DCC: variants seen among roughly 807,000 people sequenced by gnomAD.
DCC encodes the protein DCC netrin 1 receptor.
In DCC, 58 loss-of-function variants were observed where a neutral mutation model predicts 172.5. The observed-to-expected ratio is 0.34, with a 90% CI of 0.27 to 0.42. The LOEUF (loss-of-function observed/expected upper bound fraction) is 0.42, where lower values mean the gene tolerates loss of function less well. Among genes scored for constraint, DCC ranks in the 10% least tolerant of loss-of-function variants. The pLI, the probability that DCC is intolerant of heterozygous loss-of-function variation, is 1.00. For synonymous variants in DCC, 709 were observed against 644.5 expected, an observed-to-expected ratio of 1.10 and a Z score of -1.52; for missense variants, 1,740 against 1,791.0, an observed-to-expected ratio of 0.97 and a Z score of 0.51.
intron 2 of DCC, among the ~76,000 whole-genome samples, chr18:52,824,717 T>C (rs1277358459): frequency 6.6e-6 from 1 of 152,104 alleles, no homozygotes; most frequent in Non-Finnish European, 1.5e-5. Context: ...ACTCCTGTAA[T>C]CCCAGCACTT....
chr18:53,425,150 T>TG (rs1910836767), intron 21 of DCC, among the ~76,000 whole-genome samples: 2 of 151,858 alleles, frequency 1.3e-5, no homozygotes, highest in South Asian at 4.2e-4. Flanking sequence ...TTTTCTGAAG[T>TG]GGCAACTTCA....
chr18:53,450,730 T>A, intron 23 of DCC, 68 bp downstream of exon 23: 1 of 1,265,658 alleles, frequency 7.9e-7, no homozygotes, highest in South Asian at 1.2e-5. Context: ...TTGATGGTCC[T>A]CTTTCTGCGT....
At chr18:53,453,506 T>G (rs1451974208) in intron 23 of DCC, among the ~76,000 whole-genome samples, 1 of 151,880 alleles carries the variant, frequency 6.6e-6, no homozygotes, top group Non-Finnish European at 1.5e-5. Context: ...TCCAAGTGAA[T>G]TGAAAAAGTT....
chr18:53,287,836 T>C (rs1296559118), intron 12 of DCC, among the ~76,000 whole-genome samples: 1 of 152,184 alleles, frequency 6.6e-6, no homozygotes, highest in Non-Finnish European at 1.5e-5. Context: ...AAACATTTTA[T>C]TGATAACAAA....
chr18:53,309,561 C>G (rs2057240281), intron 13 of DCC, among the ~76,000 whole-genome samples: 1 of 152,132 alleles, frequency 6.6e-6, no homozygotes, highest in Non-Finnish European at 1.5e-5. Context: ...TGAATTGTAT[C>G]TTCTAATAAA....
intron 15 of DCC, among the ~76,000 whole-genome samples, chr18:53,362,887 A>G (rs1282075596): frequency 6.6e-6 from 1 of 152,148 alleles, no homozygotes; most frequent in Non-Finnish European, 1.5e-5. Context: ...GAACAATGGA[A>G]GGCTTGCATG....
chr18:52,395,724 C>A (rs1426001527), intron 1 of DCC, among the ~76,000 whole-genome samples: 1 of 151,994 alleles, frequency 6.6e-6, no homozygotes, highest in Non-Finnish European at 1.5e-5. Context: ...AAATCAGAAC[C>A]AATGTTATTC....
Position 53,226,948 on chromosome 18 carries a change from A to ATATATATTTTTTTT in DCC, c.1911+11352_1911+11353insATATATTTTTTTTT. Among the ~76,000 whole-genome samples the ATATATATTTTTTTT allele has an allele frequency of 7.9e-4, 42 of 52,944 alleles. 1 individual carries two copies. Among genetic ancestry groups the ATATATATTTTTTTT allele is most frequent in the African/African-American group, 2.5e-3 (27 of 10,614 alleles). 34.7% of individuals were successfully genotyped at this position (52,944 alleles called of 152,430 possible). On this transcript the variant is annotated intron_variant, in intron 12 of 28. Transcript: ENST00000442544. ...TGTGTGTGTGTGTATATATATATAT[A>ATATATATTTTTTTT]TTTTTTTTTTTTTTTTTTTGAGGCA...
At chr18:52,680,118 C>G (rs1306834658) in intron 1 of DCC, among the ~76,000 whole-genome samples, 1 of 151,962 alleles carries the variant, frequency 6.6e-6, no homozygotes, top group Non-Finnish European at 1.5e-5. Context: ...TTCTGGGTGC[C>G]CATTGGGTTC....
intron 1 of DCC, among the ~76,000 whole-genome samples, chr18:52,745,895 C>T (rs2036898873): frequency 6.6e-6 from 1 of 152,164 alleles, no homozygotes; most frequent in African/African-American, 2.4e-5. Context: ...AGGGACTGTA[C>T]TTTGAGAACC....
chr18:53,028,668 A>T (rs1158701349), intron 5 of DCC, among the ~76,000 whole-genome samples: 1 of 152,122 alleles, frequency 6.6e-6, no homozygotes, highest in Non-Finnish European at 1.5e-5. Flanking sequence ...GTTTAATATG[A>T]AAACTCTGAA....
chr18:52,954,105 C>T (rs2145554699), intron 5 of DCC, among the ~76,000 whole-genome samples: 1 of 152,308 alleles, frequency 6.6e-6, no homozygotes, highest in South Asian at 2.1e-4. Context: ...TGTTCAACTT[C>T]CCTTTCATTA....
intron 7 of DCC, among the ~76,000 whole-genome samples, chr18:53,088,229 G>T (rs547460220): frequency 2.0e-5 from 3 of 152,090 alleles, no homozygotes; most frequent in Non-Finnish European, 4.4e-5. Context: ...TTCCTCCTAC[G>T]CATGAGCATG....
In DCC at chr18:53,211,147, AGAATGTGCTTATTATTTTTATG is replaced by A. The variant is rs1393194505; in HGVS notation, c.1861+3331_1861+3352del. On this transcript the variant is annotated intron_variant, in intron 11 of 28. Coordinates refer to ENST00000442544, the MANE Select transcript of DCC (RefSeq NM_005215.4). ...AGGACCTGATTTCATAGGCAACATAAGAATGTGCTTATTATTTTTATGAATGTTATTAATATTTCTTGAATAC... is the reference window on the plus strand; with the variant it reads ...AGGACCTGATTTCATAGGCAACATAAAATGTTATTAATATTTCTTGAATAC... 5.7e-4 allele frequency among the ~76,000 whole-genome samples: 87 copies of A among 152,336 alleles called. No individual in the cohort carries two copies. The East Asian group carries it at 0.016, about 28-fold the overall frequency.
intron 12 of DCC, among the ~76,000 whole-genome samples, chr18:53,226,948 A>ATATATATATATATTTT: frequency 2.1e-4 from 11 of 52,950 alleles, no homozygotes; most frequent in African/African-American, 1.0e-3. Context: ...ATATATATAT[A>ATATATATATATATTTT]TTTTTTTTTT....
At chr18:53,355,585 G>A (rs2057868775) in intron 15 of DCC, among the ~76,000 whole-genome samples, 1 of 152,106 alleles carries the variant, frequency 6.6e-6, no homozygotes, top group South Asian at 2.1e-4. Flanking sequence ...TGTTATTAGT[G>A]TATAAGAATG....
chr18:53,386,266 A>G, intron 16 of DCC, 128 bp downstream of exon 16: 1 of 704,242 alleles, frequency 1.4e-6, no homozygotes, highest in Non-Finnish European at 2.5e-6. Flanking sequence ...TAATCCTCAG[A>G]GAATAATTAT....
chr18:52,613,727 C>G (rs530711235), intron 1 of DCC, among the ~76,000 whole-genome samples: 1 of 152,070 alleles, frequency 6.6e-6, no homozygotes. Context: ...TTCTCTCTTC[C>G]GCATAGGAAC....
chr18:52,772,386 C>A (rs1488450023), intron 2 of DCC, among the ~76,000 whole-genome samples: 2 of 152,196 alleles, frequency 1.3e-5, no homozygotes, highest in Non-Finnish European at 2.9e-5. Context: ...AAATGCATCT[C>A]TACGGATTGC....
Sources: allele counts gnomAD v4.1 joint callset (sites outside exome capture counted in the v4.1 genomes callset), GRCh38; gene constraint gnomAD v4.1.1; transcripts MANE v1.5; gene names NCBI Gene and HGNC (gene_info 2026-07-23, HGNC 2026-07-21).